Variants in PEX5L observed in about 807,000 individuals in gnomAD.
The protein encoded by PEX5L is peroxisomal biogenesis factor 5 like, also known as PEX5-related protein.
In PEX5L, 30 loss-of-function variants were observed where a neutral mutation model predicts 84.0. That is an observed-to-expected ratio of 0.36 (90% CI 0.27 to 0.48). The LOEUF (loss-of-function observed/expected upper bound fraction) is 0.48. Among genes scored for constraint, PEX5L ranks in the 20% least tolerant of loss-of-function variants. The pLI, the probability that PEX5L is intolerant of heterozygous loss-of-function variation, is 0.99. For synonymous variants in PEX5L, 270 were observed against 283.1 expected (o/e 0.95, Z 0.46); for missense variants, 533 against 754.6 (o/e 0.71, Z 3.44).
chr3:179,870,389 A>G (rs911045015), intron 7 of PEX5L, among the ~76,000 whole-genome samples: 4 of 152,146 alleles, frequency 2.6e-5, no homozygotes, highest in Admixed American at 2.0e-4. Flanking sequence ...TCAACCAGTT[A>G]GTGATCTCTA....
intron 2 of PEX5L, among the ~76,000 whole-genome samples, chr3:179,921,130 C>G (rs1421896475): frequency 6.6e-6 from 1 of 152,036 alleles, no homozygotes; most frequent in Non-Finnish European, 1.5e-5. Flanking sequence ...AAAGGTGGTA[C>G]TTGGTAACAT....
intron 1 of PEX5L, among the ~76,000 whole-genome samples, chr3:179,989,876 G>A (rs182880158): frequency 6.8e-4 from 103 of 152,292 alleles, no homozygotes; most frequent in Admixed American, 3.3e-3. Context: ...GTGCCCTGAA[G>A]TTAAGAATAT....
intron 1 of PEX5L, among the ~76,000 whole-genome samples, chr3:179,984,085 C>T (rs1001634139): frequency 6.6e-6 from 1 of 152,054 alleles, no homozygotes; most frequent in Non-Finnish European, 1.5e-5. Context: ...TTTCACAGTG[C>T]TACTAAACCT....
intron 7 of PEX5L, among the ~76,000 whole-genome samples, chr3:179,864,394 C>T (rs1008266905): frequency 1.4e-4 from 21 of 152,028 alleles, no homozygotes; most frequent in Non-Finnish European, 2.8e-4. Flanking sequence ...CATGAATGAA[C>T]CTAGAGGACA....
At chr3:179,982,085 C>T (rs376006432) in intron 1 of PEX5L, among the ~76,000 whole-genome samples, 3 of 152,284 alleles carry the variant, frequency 2.0e-5, no homozygotes, top group African/African-American at 7.2e-5. Context: ...TTGCATTTCA[C>T]TTGTTTTTAA....
chr3:179,939,212 T>A (rs114309519), intron 2 of PEX5L, among the ~76,000 whole-genome samples: 10,127 of 152,266 alleles, frequency 0.067, 404 homozygotes, highest in Non-Finnish European at 0.096. Context: ...AGATGCTTAC[T>A]GAAGAAACCA....
In PEX5L at chr3:179,943,463, T is replaced by A. The variant is rs1776696823; in HGVS notation, c.93+28131A>T. On this transcript the variant is annotated intron_variant, in intron 2 of 14. Transcript: ENST00000467460. ...TTTTAATTCATTTATCCAAAGTATTTAAATGTGTAATAATTAGCCTGCAGT... is the reference window on the plus strand; with the variant it reads ...TTTTAATTCATTTATCCAAAGTATTAAAATGTGTAATAATTAGCCTGCAGT... 2.0e-5 allele frequency among the ~76,000 whole-genome samples: 3 copies of A among 152,260 alleles called. No individual in the cohort carries two copies. The South Asian group carries it at 6.2e-4, about 31-fold the overall frequency.
At chr3:179,991,822 T>C (rs1011529263) in intron 1 of PEX5L, among the ~76,000 whole-genome samples, 1 of 152,230 alleles carries the variant, frequency 6.6e-6, no homozygotes, top group Admixed American at 6.5e-5. Flanking sequence ...GACATGATGT[T>C]CCTTTTCTGT....
intron 8 of PEX5L, among the ~76,000 whole-genome samples, chr3:179,852,492 A>G (rs1742306492): frequency 6.6e-6 from 1 of 152,220 alleles, no homozygotes; most frequent in Non-Finnish European, 1.5e-5. Flanking sequence ...TTTTGAAGGG[A>G]GTATCAAATA....
intron 8 of PEX5L, among the ~76,000 whole-genome samples, chr3:179,837,294 T>C (rs1313021101): frequency 1.3e-5 from 2 of 152,210 alleles, no homozygotes; most frequent in Non-Finnish European, 2.9e-5. Context: ...ATGCCGTAAC[T>C]GAGACCTTCA....
chr3:179,887,587 C>T, intron 4 of PEX5L, 86 bp downstream of exon 4: 1 of 862,596 alleles, frequency 1.2e-6, no homozygotes, highest in East Asian at 2.4e-5. Context: ...TCTTTCCTCA[C>T]TTAAAATGTA....
chr3:179,811,310 A>T (rs2108806310), intron 11 of PEX5L, among the ~76,000 whole-genome samples: 1 of 152,214 alleles, frequency 6.6e-6, no homozygotes, highest in African/African-American at 2.4e-5. Flanking sequence ...CACTCAAAAT[A>T]AAAGGTAGGG....
chr3:180,002,589 A>G (rs1788523501), intron 1 of PEX5L, among the ~76,000 whole-genome samples: 2 of 152,070 alleles, frequency 1.3e-5, no homozygotes, highest in Non-Finnish European at 2.9e-5. Flanking sequence ...ATTTGTGAGA[A>G]CTTTTTGTAT....
chr3:180,034,417 A>T (rs1440874711), intron 1 of PEX5L, among the ~76,000 whole-genome samples: 2 of 151,312 alleles, frequency 1.3e-5, no homozygotes, highest in Admixed American at 6.6e-5. Flanking sequence ...CTGTGATTAG[A>T]GTCAGGTACA....
chr3:179,903,965 T>C (rs950291042), intron 2 of PEX5L, among the ~76,000 whole-genome samples: 1 of 152,208 alleles, frequency 6.6e-6, no homozygotes, highest in Non-Finnish European at 1.5e-5. Flanking sequence ...CTGGGAAGCA[T>C]GGACAGAATT....
Position 179,834,898 on chromosome 3 carries a change from C to T in PEX5L, c.823-14922G>A, listed in dbSNP as rs115469408. ...CTTTGCAGATGTAATCAAGTTCAGA[C>T]GAGGTTCTTAGGGTGGGCTCTTAAT... is the stretch of plus-strand genomic sequence containing the variant. On this transcript the variant is annotated intron_variant, in intron 8 of 14. Coordinates refer to ENST00000467460, the MANE Select transcript of PEX5L (RefSeq NM_016559.3). Among the ~76,000 whole-genome samples the T allele has an allele frequency of 6.4e-3, 978 of 152,214 alleles. 14 individuals carry two copies. The highest frequency in any genetic ancestry group is 0.029 in the East Asian group (149 of 5,182).
chr3:180,019,276 T>C (rs1790220367), intron 1 of PEX5L, among the ~76,000 whole-genome samples: 1 of 152,222 alleles, frequency 6.6e-6, no homozygotes, highest in Non-Finnish European at 1.5e-5. Flanking sequence ...AATTTACTCA[T>C]ATAATCGTGC....
chr3:179,876,996 T>A (rs1163770339), intron 5 of PEX5L, among the ~76,000 whole-genome samples: 1 of 152,214 alleles, frequency 6.6e-6, no homozygotes, highest in Non-Finnish European at 1.5e-5. Flanking sequence ...CTTACACACA[T>A]AGCCTGAAGG....
intron 1 of PEX5L, among the ~76,000 whole-genome samples, chr3:180,000,026 C>G (rs773317572): frequency 6.6e-6 from 1 of 152,086 alleles, no homozygotes; most frequent in Admixed American, 6.5e-5. Context: ...AGTCACGGGT[C>G]CAGGAATCAA....
Sources: allele counts gnomAD v4.1 joint callset (sites outside exome capture counted in the v4.1 genomes callset), GRCh38; gene constraint gnomAD v4.1.1; transcripts MANE v1.5; gene names NCBI Gene and HGNC (gene_info 2026-07-23, HGNC 2026-07-21).